Variants in MNAT1 observed in about 807,000 individuals in gnomAD.
The protein encoded by MNAT1 is MNAT1 component of CDK activating kinase.
Under a neutral mutation model 42.0 loss-of-function variants are expected in MNAT1, and 43 were observed. That is an observed-to-expected ratio of 1.02 (90% confidence interval 0.80 to 1.32). The LOEUF is 1.32. Among genes scored for constraint, MNAT1 ranks in the 40% most tolerant of loss-of-function variants. MNAT1 has a pLI of 0.00. For synonymous variants in MNAT1, 118 were observed against 120.0 expected (o/e 0.98, Z 0.11); for missense variants, 306 against 350.4 (o/e 0.87, Z 1.01).
intron 1 of MNAT1, among the ~76,000 whole-genome samples, chr14:60,771,399 ACTT>A (rs1018108931): frequency 6.6e-6 from 1 of 151,996 alleles, no homozygotes; most frequent in Non-Finnish European, 1.5e-5. Flanking sequence ...CCCTTCTGTT[ACTT>A]CTTTTTCACG....
chr14:60,798,214 T>C, intron 3 of MNAT1, 54 bp downstream of exon 3: 2 of 926,618 alleles, frequency 2.2e-6, no homozygotes, highest in Admixed American at 4.4e-5. Flanking sequence ...CTTTTATCTT[T>C]TAAATGCTTA....
chr14:60,840,809 A>G (rs2033527866), intron 6 of MNAT1, among the ~76,000 whole-genome samples: 1 of 152,014 alleles, frequency 6.6e-6, no homozygotes, highest in African/African-American at 2.4e-5. Flanking sequence ...GATTACAGGC[A>G]TGTGCCACCA....
In MNAT1 at chr14:60,741,658, G is replaced by GTTTTTTT. The variant is rs3049888; in HGVS notation, c.89+6723_89+6729dup. Among the ~76,000 whole-genome samples, 157 of 91,994 alleles carry GTTTTTTT rather than the reference G, an allele frequency of 1.7e-3. 2 individuals are homozygous for GTTTTTTT. The highest frequency in any genetic ancestry group is 2.1e-3 in the Non-Finnish European group (107 of 49,910). The allele number at this position is 91,994 out of a possible 152,430, so 60.4% of individuals were successfully genotyped here. On this transcript the variant is annotated intron_variant, in intron 1 of 7. Transcript: ENST00000261245. Reference sequence around the variant, plus strand: ...ACAGGCGTGAGCCACTGCGCCTGGGGTTTTTTTTTTTTTTTTTTTTTTAAT... The same window carrying GTTTTTTT: ...ACAGGCGTGAGCCACTGCGCCTGGGGTTTTTTTTTTTTTTTTTTTTTTTTTTTTTAAT...
At chr14:60,763,862 T>C (rs1287544835) in intron 1 of MNAT1, among the ~76,000 whole-genome samples, 4 of 152,204 alleles carry the variant, frequency 2.6e-5, no homozygotes, top group African/African-American at 7.2e-5. Context: ...AAATTACTTA[T>C]TGTCAAAACA....
At chr14:60,898,096 TG>T in intron 7 of MNAT1, among the ~76,000 whole-genome samples, 1 of 110,868 alleles carries the variant, frequency 9.0e-6, no homozygotes, top group South Asian at 3.6e-4. Flanking sequence ...AGTAATACAT[TG>T]TGTGTGTGTG....
chr14:60,909,672 C>T (rs1319867674), intron 7 of MNAT1, among the ~76,000 whole-genome samples: 3 of 152,092 alleles, frequency 2.0e-5, no homozygotes, highest in African/African-American at 7.2e-5. Flanking sequence ...TGTTCTGTTC[C>T]ATTGGTCTAT....
At chr14:60,739,328 A>G (rs1477693571) in intron 1 of MNAT1, among the ~76,000 whole-genome samples, 2 of 152,142 alleles carry the variant, frequency 1.3e-5, no homozygotes, top group Non-Finnish European at 1.5e-5. Context: ...TGTGAATACC[A>G]AGAGTGTGAA....
At position 60,879,722 on chromosome 14, in the gene MNAT1, T is replaced by C. The variant is rs2034507398; in HGVS notation, c.696T>C (p.His232=). The C allele has an allele frequency of 6.2e-7, 1 of 1,612,374 alleles. No homozygotes were observed. Among genetic ancestry groups the C allele is most frequent in the African/African-American group, 1.3e-5 (1 of 74,854 alleles). The change falls in exon 7 of 8, where the codon CAT becomes CAC. Residue 232 remains histidine (H), a synonymous_variant. Coordinates refer to ENST00000261245, the MANE Select transcript of MNAT1 (RefSeq NM_002431.4). ...TFSTGIKMGQ[H]ISLAPIHKLE... is the part of the protein sequence containing the mutation. ...CTTCATTTTTCTAACAGGGTCAACA[T>C]ATTTCACTGGCACCTATTCACAAGC...
intron 7 of MNAT1, among the ~76,000 whole-genome samples, chr14:60,887,502 C>A (rs186094053): frequency 6.8e-6 from 1 of 148,120 alleles, no homozygotes; most frequent in Non-Finnish European, 1.5e-5. Context: ...TTTGTCCTTG[C>A]GATAGTTTAC....
At chr14:60,937,858 A>G (rs932762467) in intron 7 of MNAT1, among the ~76,000 whole-genome samples, 2 of 152,128 alleles carry the variant, frequency 1.3e-5, no homozygotes, top group African/African-American at 4.8e-5. Context: ...CTTCCTACCC[A>G]TGAGCATGGA....
At chr14:60,951,555 T>A (rs945781401) in intron 7 of MNAT1, among the ~76,000 whole-genome samples, 2 of 152,128 alleles carry the variant, frequency 1.3e-5, no homozygotes, top group Non-Finnish European at 2.9e-5. Flanking sequence ...ATTCCAAGAT[T>A]CCTGTTTGAT....
chr14:60,814,811 C>T (rs1056793768), intron 5 of MNAT1, among the ~76,000 whole-genome samples: 10 of 152,076 alleles, frequency 6.6e-5, no homozygotes, highest in African/African-American at 1.2e-4. Flanking sequence ...AGAATAATGA[C>T]GCCTTCCCTA....
At chr14:60,816,022 T>A (rs932974863) in intron 5 of MNAT1, among the ~76,000 whole-genome samples, 2 of 152,160 alleles carry the variant, frequency 1.3e-5, no homozygotes, top group Non-Finnish European at 2.9e-5. Flanking sequence ...CTGTATATGT[T>A]CATGTGTGAG....
At chr14:60,938,734 A>T (rs958141281) in intron 7 of MNAT1, among the ~76,000 whole-genome samples, 3 of 152,166 alleles carry the variant, frequency 2.0e-5, no homozygotes, top group Non-Finnish European at 2.9e-5. Context: ...TATCAGGATG[A>T]TGCTGGCCTC....
intron 6 of MNAT1, among the ~76,000 whole-genome samples, chr14:60,869,585 A>G (rs2034283959): frequency 1.3e-5 from 2 of 152,182 alleles, no homozygotes; most frequent in Admixed American, 1.3e-4. Context: ...TAGATCAATT[A>G]AAAGAGTTCT....
At chr14:60,911,381 G>GT (rs1375952017) in intron 7 of MNAT1, among the ~76,000 whole-genome samples, 1 of 152,118 alleles carries the variant, frequency 6.6e-6, no homozygotes, top group East Asian at 1.9e-4. Flanking sequence ...GAATGTGTTT[G>GT]CTCTTGCTTC....
chr14:60,928,876 T>C (rs762108459), intron 7 of MNAT1, among the ~76,000 whole-genome samples: 5 of 151,676 alleles, frequency 3.3e-5, no homozygotes, highest in Non-Finnish European at 7.4e-5. Flanking sequence ...GCACAGTGGC[T>C]CATGCCTGTA....
chr14:60,749,009 G>T (rs893964845), intron 1 of MNAT1, among the ~76,000 whole-genome samples: 1 of 152,178 alleles, frequency 6.6e-6, no homozygotes, highest in East Asian at 1.9e-4. Context: ...TGTTAGGATG[G>T]CTACGAAGTC....
At chr14:60,899,032 G>A (rs554811621) in intron 7 of MNAT1, among the ~76,000 whole-genome samples, 2 of 152,068 alleles carry the variant, frequency 1.3e-5, no homozygotes, top group African/African-American at 2.4e-5. Flanking sequence ...CCCAGTGTAC[G>A]TACTTGGTAT....
Sources: gnomAD v4.1 joint callset for allele counts (sites outside exome capture counted in the v4.1 genomes callset) on GRCh38, gnomAD v4.1.1 for gene constraint, MANE v1.5 for transcripts, NCBI Gene and HGNC (gene_info 2026-07-23, HGNC 2026-07-21) for gene names.